ENTREP2: variants seen among roughly 807,000 people sequenced by gnomAD.
ENTREP2 encodes the protein endosomal transmembrane epsin interactor 2.
At chr15:29,571,046 C>T in the ENTREP2 span, among the ~76,000 whole-genome samples, 1 of 146,154 alleles carries the variant, frequency 6.8e-6, no homozygotes, top group Non-Finnish European at 1.5e-5. Flanking sequence ...GCTGCCGTAC[C>T]GGGCGCGAGC....
At chr15:29,361,336 G>C in the ENTREP2 span, among the ~76,000 whole-genome samples, 1 of 152,152 alleles carries the variant, frequency 6.6e-6, no homozygotes, top group Non-Finnish European at 1.5e-5. Context: ...CTTTGAAAAG[G>C]ACATGCTCTT....
the ENTREP2 span, chr15:29,570,626 A>G: frequency 1.4e-6 from 2 of 1,429,804 alleles, no homozygotes; most frequent in Middle Eastern, 2.1e-4. Context: ...CCCGAGCGCC[A>G]GCACGATGCG....
chr15:29,486,669 G>A, the ENTREP2 span, among the ~76,000 whole-genome samples: 6 of 152,188 alleles, frequency 3.9e-5, no homozygotes, highest in Non-Finnish European at 7.4e-5. Context: ...CAGCCTGGGC[G>A]GCAGAGCGAG....
the ENTREP2 span, among the ~76,000 whole-genome samples, chr15:29,585,587 T>C: frequency 2.6e-5 from 4 of 152,154 alleles, no homozygotes; most frequent in African/African-American, 9.7e-5. Context: ...CCGGGCGCGG[T>C]GGCTCACGCC....
At chr15:29,571,594 C>G in the ENTREP2 span, among the ~76,000 whole-genome samples, 1 of 152,176 alleles carries the variant, frequency 6.6e-6, no homozygotes, top group Non-Finnish European at 1.5e-5. Context: ...CCTTACCCAC[C>G]TTTGGTTTGC....
chr15:29,633,449 A>G, the ENTREP2 span, among the ~76,000 whole-genome samples: 3 of 150,792 alleles, frequency 2.0e-5, no homozygotes, highest in African/African-American at 7.4e-5. Context: ...ATAAAATTGC[A>G]TTTGATGTTG....
At chr15:29,338,556 G>T in the ENTREP2 span, among the ~76,000 whole-genome samples, 4 of 152,056 alleles carry the variant, frequency 2.6e-5, no homozygotes, top group African/African-American at 9.7e-5. Flanking sequence ...AGCTGCCTTG[G>T]AGGACACAGA....
chr15:29,269,476 A>G, the ENTREP2 span: 3 of 1,611,710 alleles, frequency 1.9e-6, no homozygotes, highest in Non-Finnish European at 2.5e-6. Context: ...CCTGGGCCCC[A>G]CGGCGGGGGC....
the ENTREP2 span, among the ~76,000 whole-genome samples, chr15:29,394,882 C>CTCTTTTTTTTTTTTTT: frequency 1.0e-5 from 1 of 95,892 alleles, no homozygotes; most frequent in African/African-American, 5.3e-5. Context: ...GTCAGAATCT[C>CTCTTTTTTTTTTTTTT]TTTTTTTTTT....
chr15:29,473,418 T>G, the ENTREP2 span, among the ~76,000 whole-genome samples: 1 of 152,100 alleles, frequency 6.6e-6, no homozygotes, highest in Non-Finnish European at 1.5e-5. Context: ...TGTAGAGGAT[T>G]CCCTGCGGCA....
chr15:29,601,516 G>A, the ENTREP2 span, among the ~76,000 whole-genome samples: 20 of 142,978 alleles, frequency 1.4e-4, no homozygotes, highest in African/African-American at 4.7e-4. Flanking sequence ...ATTTATGTCT[G>A]TAAGTTTATT....
At chr15:29,548,486 T>G in the ENTREP2 span, among the ~76,000 whole-genome samples, 1 of 149,144 alleles carries the variant, frequency 6.7e-6, no homozygotes, top group Non-Finnish European at 1.5e-5. Flanking sequence ...TGGTAAACTT[T>G]ATGTTACGTG....
the ENTREP2 span, chr15:29,569,608 G>A: frequency 6.6e-6 from 1 of 152,130 alleles, no homozygotes; most frequent in African/African-American, 2.4e-5. Context: ...TATCTGCTCT[G>A]CATATATATC....
chr15:29,269,302 T>C, the ENTREP2 span: 1 of 1,614,214 alleles, frequency 6.2e-7, no homozygotes. Context: ...GAAGACGTAC[T>C]GGAGGCGCTC....
At chr15:29,302,030 G>A in the ENTREP2 span, among the ~76,000 whole-genome samples, 284 of 152,140 alleles carry the variant, frequency 1.9e-3, 1 homozygote, top group African/African-American at 5.5e-3. Context: ...TAAGACACCC[G>A]GGGTCTTTGT....
chr15:29,240,978 A>G, the ENTREP2 span, among the ~76,000 whole-genome samples: 1 of 152,246 alleles, frequency 6.6e-6, no homozygotes, highest in Non-Finnish European at 1.5e-5. Context: ...TTTTAAGCTT[A>G]TGTCCAAACA....
At chr15:29,242,931 C>A in the ENTREP2 span, among the ~76,000 whole-genome samples, 1 of 152,184 alleles carries the variant, frequency 6.6e-6, no homozygotes, top group Admixed American at 6.5e-5. Flanking sequence ...GCAGGGGCAG[C>A]CTGAAGTAGA....
At chr15:29,175,674 G>A in the ENTREP2 span, among the ~76,000 whole-genome samples, 3 of 152,114 alleles carry the variant, frequency 2.0e-5, no homozygotes, top group Admixed American at 6.5e-5. Flanking sequence ...GCACGATCTC[G>A]GCTCACAGCA....
the ENTREP2 span, chr15:29,233,654 T>C: frequency 1.1e-6 from 1 of 924,986 alleles, no homozygotes; most frequent in Admixed American, 1.8e-5. Flanking sequence ...TGCACTGTAA[T>C]AAAGCTATGG....
Sources: gnomAD v4.1 joint callset for allele counts (sites outside exome capture counted in the v4.1 genomes callset) on GRCh38, gnomAD v4.1.1 for gene constraint, MANE v1.5 for transcripts, NCBI Gene and HGNC (gene_info 2026-07-23, HGNC 2026-07-21) for gene names.